The following SIL1 variants were observed in gnomAD, a reference collection of about 807,000 sequenced individuals.
SIL1 encodes the protein nucleotide exchange factor SIL1.
In SIL1, 40 loss-of-function variants were observed where a neutral mutation model predicts 49.1. That is an observed-to-expected ratio of 0.81 (90% CI 0.63 to 1.06). The LOEUF (loss-of-function observed/expected upper bound fraction) is 1.06. Among genes scored for constraint, SIL1 ranks in the 50% least tolerant of loss-of-function variants. The probability of loss-of-function intolerance (pLI) is 0.00; values close to 1 mark genes in which losing one functional copy is unlikely to be tolerated. For missense variants in SIL1, 500 were observed against 572.6 expected, an observed-to-expected ratio of 0.87 and a Z score of 1.29; for synonymous variants, 253 against 250.8, an observed-to-expected ratio of 1.01 and a Z score of -0.08.
At chr5:139,168,055 G>C (rs1435226937) in intron 1 of SIL1, among the ~76,000 whole-genome samples, 5 of 152,190 alleles carry the variant, frequency 3.3e-5, no homozygotes. Flanking sequence ...GTACATAAAT[G>C]CTTACCATTG....
intron 1 of SIL1, among the ~76,000 whole-genome samples, chr5:139,156,188 C>A (rs554262036): frequency 2.9e-4 from 44 of 152,282 alleles, no homozygotes; most frequent in Non-Finnish European, 3.8e-4. Flanking sequence ...ACATACCTGG[C>A]CCATTTCCAA....
At chr5:139,095,369 T>C (rs2151778881) in intron 3 of SIL1, among the ~76,000 whole-genome samples, 1 of 151,050 alleles carries the variant, frequency 6.6e-6, no homozygotes, top group South Asian at 2.1e-4. Flanking sequence ...GTTCAAACAA[T>C]TCTCGTGCCT....
intron 7 of SIL1, among the ~76,000 whole-genome samples, chr5:139,002,287 C>T (rs1768004370): frequency 6.6e-6 from 1 of 151,434 alleles, no homozygotes; most frequent in Admixed American, 6.6e-5. Context: ...AAGGGAAATA[C>T]AAAGGATTAT....
chr5:139,167,603 T>C (rs903355721), intron 1 of SIL1, among the ~76,000 whole-genome samples: 4 of 152,252 alleles, frequency 2.6e-5, no homozygotes, highest in Admixed American at 6.5e-5. Context: ...TCAACAGTTT[T>C]AAATTTTAAA....
intron 7 of SIL1, among the ~76,000 whole-genome samples, chr5:138,968,295 A>C (rs1402172913): frequency 6.6e-6 from 1 of 152,154 alleles, no homozygotes; most frequent in East Asian, 1.9e-4. Flanking sequence ...ATGCTTCAGA[A>C]GCAGTGACAG....
At chr5:139,122,825 A>C (rs1750673720) in intron 2 of SIL1, among the ~76,000 whole-genome samples, 1 of 152,180 alleles carries the variant, frequency 6.6e-6, no homozygotes, top group African/African-American at 2.4e-5. Flanking sequence ...TGGCAAGAAG[A>C]AGCTCTCAAA....
At chr5:139,005,902 G>A (rs76336793) in intron 7 of SIL1, among the ~76,000 whole-genome samples, 1 of 12,758 alleles carries the variant, frequency 7.8e-5, no homozygotes, top group African/African-American at 6.5e-4. Flanking sequence ...GAATAATGCC[G>A]CAATAAACAT....
At chr5:139,165,031 C>G (rs1050816133) in intron 1 of SIL1, among the ~76,000 whole-genome samples, 1 of 152,214 alleles carries the variant, frequency 6.6e-6, no homozygotes, top group African/African-American at 2.4e-5. Context: ...AGAGAATCCC[C>G]TACCCCCTTG....
Position 139,014,929 on chromosome 5 carries a change from C to CCCAATCT in SIL1, c.767+6235_767+6241dup, listed in dbSNP as rs112813209. 5.6e-3 allele frequency among the ~76,000 whole-genome samples: 845 copies of CCCAATCT among 152,248 alleles called. 4 individuals carry two copies. Among genetic ancestry groups the CCCAATCT allele is most frequent in the African/African-American group, 0.02 (810 of 41,534 alleles). ...TGGCATCTCCAGTGTGTGACCTCATCCCAATCTCCAACCTTCTATTTTCTG... is the reference window on the plus strand; with the variant it reads ...TGGCATCTCCAGTGTGTGACCTCATCCCAATCTCCAATCTCCAACCTTCTATTTTCTG... On this transcript the variant is annotated intron_variant, in intron 7 of 9. Transcript: ENST00000394817.
chr5:139,045,978 TCCA>T (rs1358483228), intron 4 of SIL1, among the ~76,000 whole-genome samples: 12 of 152,236 alleles, frequency 7.9e-5, no homozygotes, highest in African/African-American at 2.9e-4. Flanking sequence ...TCTTCTTTTG[TCCA>T]CCTTCAATCT....
rs1386362855 is a variant in SIL1 at position 138,948,696 on chromosome 5, G to T, written c.1030-1223C>A. Reference sequence around the variant, plus strand: ...TCACCGCCACTGACCGGCCTCCCCTGACTGGCCTTCTCTGCTTATATGCTG... The same window carrying T: ...TCACCGCCACTGACCGGCCTCCCCTTACTGGCCTTCTCTGCTTATATGCTG... On this transcript the variant is annotated intron_variant, in intron 9 of 9. Coordinates refer to ENST00000394817, the MANE Select transcript of SIL1 (RefSeq NM_022464.5). This position sits in a 1 kb window ranked among gnomAD's most constrained non-coding sequence, Gnocchi z 4.8. Among the ~76,000 whole-genome samples, 1 of 152,156 alleles carries T rather than the reference G, an allele frequency of 6.6e-6. No individual in the cohort carries two copies. Among genetic ancestry groups the T allele is most frequent in the Non-Finnish European group, 1.5e-5 (1 of 68,032 alleles).
At chr5:139,018,590 C>CA (rs34450224) in intron 7 of SIL1, among the ~76,000 whole-genome samples, 1,743 of 69,598 alleles carry the variant, frequency 0.025, 73 homozygotes, top group African/African-American at 0.056. Flanking sequence ...GACCCTGACT[C>CA]AAAAAAAAAA....
chr5:139,032,637 G>A (rs767169241), intron 5 of SIL1, among the ~76,000 whole-genome samples: 36 of 152,192 alleles, frequency 2.4e-4, no homozygotes, highest in Middle Eastern at 3.4e-3. Flanking sequence ...TAGAATTGAC[G>A]CCAGTGGTTT....
chr5:138,954,446 G>A (rs1363569996), intron 7 of SIL1, among the ~76,000 whole-genome samples: 1 of 152,228 alleles, frequency 6.6e-6, no homozygotes, highest in Non-Finnish European at 1.5e-5. Flanking sequence ...GGAACTCCAG[G>A]CCTTACCCCA....
At chr5:139,020,376 A>G (rs1003055286) in intron 7 of SIL1, among the ~76,000 whole-genome samples, 1 of 152,260 alleles carries the variant, frequency 6.6e-6, no homozygotes, top group Non-Finnish European at 1.5e-5. Flanking sequence ...ATAATGGTAA[A>G]TATGTTCAGA....
chr5:139,035,665 TTTG>T, intron 5 of SIL1: 1 of 276,062 alleles, frequency 3.6e-6, no homozygotes, highest in Non-Finnish European at 7.0e-6. Context: ...TTTTTTTTTT[TTTG>T]AGATGGACTC....
At chr5:139,057,635 C>A (rs939558935) in intron 3 of SIL1, among the ~76,000 whole-genome samples, 1 of 152,084 alleles carries the variant, frequency 6.6e-6, no homozygotes, top group Non-Finnish European at 1.5e-5. Context: ...AAGAAACACC[C>A]CCTATAGGAA....
chr5:138,951,213 G>A lies in SIL1; in HGVS notation c.987C>T (p.Ala329=), dbSNP rs758596676. ...CGTAGAGCAGTGTGACCACGCGCAC[G>A]GCGAGCACCTCCGTGCCCTTCTCCT... ...LVQEKGTEVL[A]VRVVTLLYDL... Residue 329 remains alanine, a synonymous_variant, in exon 9 of 10, where the codon GCC becomes GCT. Coordinates refer to ENST00000394817, the MANE Select transcript of SIL1 (RefSeq NM_022464.5). 44 of 1,609,668 alleles carry A rather than the reference G, an allele frequency of 2.7e-5. No individual in the cohort carries two copies. The Admixed American group carries it at 3.7e-4, about 13-fold the overall frequency.
chr5:139,108,819 G>A (rs1770781180), intron 3 of SIL1, among the ~76,000 whole-genome samples: 1 of 152,048 alleles, frequency 6.6e-6, no homozygotes, highest in South Asian at 2.1e-4. Flanking sequence ...TGCAGGTAGA[G>A]GCAGCTAGGA....
Sources: allele counts gnomAD v4.1 joint callset (sites outside exome capture counted in the v4.1 genomes callset), GRCh38; gene constraint gnomAD v4.1.1; non-coding constraint Gnocchi (gnomAD v3.1); transcripts MANE v1.5; gene names NCBI Gene and HGNC (gene_info 2026-07-23, HGNC 2026-07-21).